The following MRTFA variants were observed in gnomAD, a reference collection of about 807,000 sequenced individuals.
MRTFA encodes myocardin related transcription factor A, also known as myocardin-related transcription factor A.
A neutral mutation model predicts 83.5 loss-of-function variants in MRTFA; 20 were observed. The ratio of observed to expected loss-of-function variants is 0.24; its 90% confidence interval spans 0.17 to 0.35. MRTFA has a LOEUF of 0.35. Among genes scored for constraint, MRTFA ranks in the 10% least tolerant of loss-of-function variants. MRTFA has a pLI of 1.00. For missense variants in MRTFA, 1,200 were observed against 1,224.7 expected, an observed-to-expected ratio of 0.98 and a Z score of 0.30; for synonymous variants, 659 against 541.2, an observed-to-expected ratio of 1.22 and a Z score of -3.02.
intron 1 of MRTFA, among the ~76,000 whole-genome samples, chr22:40,603,631 T>C (rs1830473639): frequency 6.6e-6 from 1 of 152,192 alleles, no homozygotes; most frequent in South Asian, 2.1e-4. Context: ...AGTTAACTAG[T>C]GTTTAAATCG....
intron 3 of MRTFA, among the ~76,000 whole-genome samples, chr22:40,513,509 G>A (rs1022430029): frequency 6.7e-6 from 1 of 150,288 alleles, no homozygotes; most frequent in African/African-American, 2.4e-5. Flanking sequence ...GCTAAGGCAG[G>A]AGAATCACTT....
chr22:40,534,624 T>G (rs2055136063), intron 3 of MRTFA, among the ~76,000 whole-genome samples: 1 of 152,286 alleles, frequency 6.6e-6, no homozygotes, highest in African/African-American at 2.4e-5. Flanking sequence ...TCTGCCCACC[T>G]TAGCCTCACA....
intron 3 of MRTFA, among the ~76,000 whole-genome samples, chr22:40,489,972 A>G (rs2054244578): frequency 5.1e-5 from 1 of 19,430 alleles, no homozygotes; most frequent in African/African-American, 2.3e-4. Flanking sequence ...ACTCTGTCGC[A>G]AAAAAAAAAA....
At chr22:40,583,465 T>C (rs998943720) in intron 2 of MRTFA, among the ~76,000 whole-genome samples, 8 of 152,158 alleles carry the variant, frequency 5.3e-5, no homozygotes, top group African/African-American at 1.4e-4. Context: ...AAAGAGAATG[T>C]TGCAAGTAAT....
intron 2 of MRTFA, among the ~76,000 whole-genome samples, chr22:40,553,668 A>G (rs2055477246): frequency 6.6e-6 from 1 of 152,164 alleles, no homozygotes; most frequent in Non-Finnish European, 1.5e-5. Flanking sequence ...TACAGCTCTC[A>G]TGGAGAACCT....
chr22:40,508,355 C>T (rs1448844150), intron 3 of MRTFA, among the ~76,000 whole-genome samples: 1 of 151,256 alleles, frequency 6.6e-6, no homozygotes, highest in Non-Finnish European at 1.5e-5. Context: ...ATTAAAAGTA[C>T]AAAAAAACTA....
chr22:40,572,601 A>G (rs2055811838), intron 2 of MRTFA, among the ~76,000 whole-genome samples: 1 of 152,114 alleles, frequency 6.6e-6, no homozygotes, highest in South Asian at 2.1e-4. Flanking sequence ...CTTGCGTATT[A>G]CTCCATTTTC....
At chr22:40,470,024 G>C (rs896248796) in intron 3 of MRTFA, among the ~76,000 whole-genome samples, 3 of 151,656 alleles carry the variant, frequency 2.0e-5, no homozygotes, top group African/African-American at 7.3e-5. Flanking sequence ...AGCAGTTCAA[G>C]ACCAGCCTGG....
At chr22:40,626,866 AACACACACACACACACACAC>A (rs141945541) in intron 1 of MRTFA, among the ~76,000 whole-genome samples, 59 of 145,226 alleles carry the variant, frequency 4.1e-4, no homozygotes, top group African/African-American at 1.5e-3. Flanking sequence ...CCCTGTCTCA[AACACACACACACACACACAC>A]ACACACACAC....
chr22:40,465,465 A>G (rs2147157691), intron 3 of MRTFA, among the ~76,000 whole-genome samples: 1 of 152,348 alleles, frequency 6.6e-6, no homozygotes, highest in East Asian at 1.9e-4. Flanking sequence ...CTACAATAAT[A>G]GCTGACACTT....
In MRTFA at chr22:40,429,685, A is replaced by G. The variant is rs1310410691; in HGVS notation, c.522T>C (p.Ile174=). The change falls in exon 7 of 15, where the codon ATT becomes ATC. Residue 174 remains isoleucine, a synonymous_variant. Transcript: ENST00000355630. ...GCTCCATGGGGCCAGGCCTCTGTGC[A>G]ATCTTCTCATTGAGGTCATCGGCTA... 6.2e-7 allele frequency: 1 copy of G among 1,614,062 alleles called. No homozygotes were observed. Among genetic ancestry groups the G allele is most frequent in the African/African-American group, 1.3e-5 (1 of 74,988 alleles).
chr22:40,483,994 G>A (rs1413626135), intron 3 of MRTFA, among the ~76,000 whole-genome samples: 1 of 151,992 alleles, frequency 6.6e-6, no homozygotes, highest in Non-Finnish European at 1.5e-5. Context: ...GGCTTTGCTG[G>A]GATTGGGCAT....
chr22:40,514,125 G>T (rs2054715914), intron 3 of MRTFA, among the ~76,000 whole-genome samples: 1 of 151,838 alleles, frequency 6.6e-6, no homozygotes, highest in Non-Finnish European at 1.5e-5. Flanking sequence ...CAGACATGGT[G>T]GCATGTACCT....
chr22:40,516,070 G>A (rs981926472), intron 3 of MRTFA, among the ~76,000 whole-genome samples: 1 of 152,136 alleles, frequency 6.6e-6, no homozygotes, highest in African/African-American at 2.4e-5. Flanking sequence ...AGCAATGGAA[G>A]ATTATTTGCA....
chr22:40,610,889 G>C (rs1451181426), intron 1 of MRTFA, among the ~76,000 whole-genome samples: 1 of 150,986 alleles, frequency 6.6e-6, no homozygotes, highest in Admixed American at 6.6e-5. Context: ...ATTTGAGATT[G>C]GATGATTCAT....
At position 40,611,019 on chromosome 22, in the gene MRTFA, C is replaced by A. The variant is rs545778940; in HGVS notation, c.-83-16284G>T. On this transcript the variant is annotated intron_variant, in intron 1 of 14. Transcript: ENST00000355630. ...GTGATGCCATCTCGGCTCACTGCAA[C>A]CTCCATGTCCCGGGCTCAAGTGATT... Among the ~76,000 whole-genome samples, 668 of 149,278 alleles carry A rather than the reference C, an allele frequency of 4.5e-3. 5 individuals are homozygous for A. Among genetic ancestry groups the A allele is most frequent in the Admixed American group, 0.012 (177 of 14,890 alleles).
At chr22:40,485,776 GA>G (rs2147192648) in intron 3 of MRTFA, among the ~76,000 whole-genome samples, 1 of 152,296 alleles carries the variant, frequency 6.6e-6, no homozygotes, top group South Asian at 2.1e-4. Flanking sequence ...TCACTTAGAG[GA>G]GGTTGCAATG....
chr22:40,539,588 C>T lies in MRTFA; in HGVS notation c.241+12518G>A, dbSNP rs192659605. On this transcript the variant is annotated intron_variant, in intron 3 of 14. Coordinates refer to ENST00000355630, the MANE Select transcript of MRTFA (RefSeq NM_020831.6). ...CACGATCTCGGCTCACTGCAACCTCCGCCTCCCGGGTTCAAGCGATTCTCC... is the reference window on the plus strand; with the variant it reads ...CACGATCTCGGCTCACTGCAACCTCTGCCTCCCGGGTTCAAGCGATTCTCC... Among the ~76,000 whole-genome samples the T allele has an allele frequency of 7.7e-4, 111 of 144,872 alleles. 1 individual carries two copies. The highest frequency in any genetic ancestry group is 2.6e-3 in the African/African-American group (108 of 41,104).
intron 3 of MRTFA, chr22:40,526,465 CAACA>C (rs761843286): frequency 2.0e-5 from 3 of 152,008 alleles, no homozygotes; most frequent in Non-Finnish European, 2.9e-5. Flanking sequence ...TGCTCAGGGA[CAACA>C]AACAAAGCCA....
Sources: gnomAD v4.1 joint callset for allele counts (sites outside exome capture counted in the v4.1 genomes callset) on GRCh38, gnomAD v4.1.1 for gene constraint, MANE v1.5 for transcripts, NCBI Gene and HGNC (gene_info 2026-07-23, HGNC 2026-07-21) for gene names.